The following BNIPL variants were observed in gnomAD, a reference collection of about 807,000 sequenced individuals.
BNIPL encodes BCL2 interacting protein like.
BNIPL carries 33 observed loss-of-function variants against 47.0 expected under a neutral mutation model. The ratio of observed to expected loss-of-function variants is 0.70; its 90% CI spans 0.53 to 0.94. The LOEUF is 0.94. Among genes scored for constraint, BNIPL ranks in the 40% least tolerant of loss-of-function variants. The probability of loss-of-function intolerance (pLI) is 0.00; values close to 1 mark genes in which losing one functional copy is unlikely to be tolerated. For missense variants in BNIPL, 404 were observed against 445.2 expected, an observed-to-expected ratio of 0.91 and a Z score of 0.83; for synonymous variants, 145 against 162.7, an observed-to-expected ratio of 0.89 and a Z score of 0.83.
At chr1:151,044,045 C>T (rs1039812858) in intron 7 of BNIPL, among the ~76,000 whole-genome samples, 1 of 152,226 alleles carries the variant, frequency 6.6e-6, no homozygotes, top group East Asian at 1.9e-4. Context: ...AGTGCAGTGG[C>T]ACGATCTCGG....
rs1675994475 is a variant in BNIPL, at chr1:151,045,692, AC to A, written c.852-104del. The A allele has an allele frequency of 7.7e-6, 12 of 1,564,346 alleles. No homozygotes were observed. In the South Asian group the frequency reaches 1.5e-4, roughly 19 times the overall value. ...ACCCAAGTACCAGATAAATCTAGAA[AC>A]TAGAGAAGTGAATGAAGGAAGTTAC... On this transcript the variant is annotated intron_variant, in intron 7 of 9. Coordinates refer to ENST00000368931, the MANE Select transcript of BNIPL (RefSeq NM_138278.4).
At chr1:151,045,986 A>C in intron 8 of BNIPL, 81 bp from the exon 9 acceptor site, 13 of 1,612,366 alleles carry the variant, frequency 8.1e-6, no homozygotes, top group Non-Finnish European at 1.1e-5. Context: ...TAACCACTCT[A>C]CTTCTACATT....
chr1:151,038,752 A>G lies in BNIPL; in HGVS notation c.203-44A>G, dbSNP rs375064911. On this transcript the variant is annotated intron_variant, in intron 3 of 9. Coordinates refer to ENST00000368931, the MANE Select transcript of BNIPL (RefSeq NM_138278.4). ...GGAATTCTAGCCCTCTCGGCTCTCC[A>G]ACACACACACCCATCTTGGTTCTCT... 36 of 1,556,184 alleles carry G rather than the reference A, an allele frequency of 2.3e-5. No individual in the cohort carries two copies. In the African/African-American group the frequency reaches 4.2e-4, roughly 18 times the overall value.
At chr1:151,042,816 A>G (rs587737066) in intron 4 of BNIPL, 140 bp from the exon 5 acceptor site, 2 of 643,444 alleles carry the variant, frequency 3.1e-6, no homozygotes, top group South Asian at 5.0e-5. Flanking sequence ...TCTGTCTCAA[A>G]AAAAAGGAAA....
At chr1:151,040,019 G>A (rs1675762953) in intron 4 of BNIPL, among the ~76,000 whole-genome samples, 1 of 152,148 alleles carries the variant, frequency 6.6e-6, no homozygotes, top group Admixed American at 6.5e-5. Flanking sequence ...CCAGTGTGCT[G>A]GGATTACAGG....
At chr1:151,039,784 C>T (rs1387471037) in intron 4 of BNIPL, among the ~76,000 whole-genome samples, 2 of 151,928 alleles carry the variant, frequency 1.3e-5, no homozygotes, top group Non-Finnish European at 2.9e-5. Flanking sequence ...AGAGTCTTGC[C>T]CTGTTGCCCA....
chr1:151,037,472 T>G lies in BNIPL; in HGVS notation c.42-95T>G, dbSNP rs587693266. The G allele has an allele frequency of 2.9e-5, 44 of 1,498,760 alleles. No individual in the cohort carries two copies. In the South Asian group the frequency reaches 5.3e-4, roughly 18 times the overall value. The allele number at this position is 1,498,760 out of a possible 1,614,324, so 92.8% of individuals were successfully genotyped here. A position where few individuals can be genotyped will look rare whatever the true frequency, so the allele number is the denominator to read the frequency against. On this transcript the variant is annotated intron_variant, in intron 1 of 9. Coordinates refer to ENST00000368931, the MANE Select transcript of BNIPL (RefSeq NM_138278.4). Reference sequence around the variant, plus strand: ...AGATCTGAGTCCTTTTGAAGGCCTATCCTCTGCTCTGTATCTCAATTACTG... The same window carrying G: ...AGATCTGAGTCCTTTTGAAGGCCTAGCCTCTGCTCTGTATCTCAATTACTG...
At chr1:151,036,900 A>C in intron 1 of BNIPL, 134 bp downstream of exon 1, 1 of 876,322 alleles carries the variant, frequency 1.1e-6, no homozygotes, top group Non-Finnish European at 1.9e-6. Context: ...GTTTGCAGAG[A>C]AGAGATGAGG....
At chr1:151,043,791 A>G (rs1048922041) in intron 7 of BNIPL, 64 bp downstream of exon 7, 1 of 1,501,562 alleles carries the variant, frequency 6.7e-7, no homozygotes, top group African/African-American at 1.4e-5. Context: ...TCTTTCTATT[A>G]TTTCTTCTTC....
chr1:151,039,067 G>A (rs955955), intron 4 of BNIPL, 41 bp downstream of exon 4: 114,440 of 1,522,442 alleles, frequency 0.075, 4,856 homozygotes, highest in African/African-American at 0.16. Context: ...AGAAGTAGAG[G>A]CTAGAGCTAA....
intron 7 of BNIPL, 82 bp downstream of exon 7, chr1:151,043,809 T>C: frequency 1.4e-6 from 2 of 1,459,370 alleles, no homozygotes; most frequent in Non-Finnish European, 1.9e-6. Flanking sequence ...TTCCATTTAG[T>C]CCTTTTCCTA....
rs749200773 is a variant in BNIPL at position 151,043,079 on chromosome 1, G to C, written c.557G>C (p.Arg186Pro). 1 of 1,611,960 alleles carries C rather than the reference G, an allele frequency of 6.2e-7. No homozygotes were observed. The highest frequency in any genetic ancestry group is 1.1e-5 in the South Asian group (1 of 90,598). The change falls in exon 5 of 10, where the codon CGG becomes CCG. Residue 186 changes from arginine (R) to proline (P), a missense_variant. Physicochemically the swap from Arg to Pro is moderately radical, Grantham distance 103. Transcript: ENST00000368931. ...TGGAGGGTGTTCCGAATGGGACCAC[G>C]GGAGCAGCGCGTAGACATGACTGTC... ...HHWRVFRMGP[R>P]EQRVDMTVIE...
chr1:151,039,019 A>G lies in BNIPL; in HGVS notation c.426A>G (p.Glu142=), dbSNP rs1245685914. ...SEQLDSGHEF[E]WEDELPRAEG... is the part of the protein sequence containing the mutation. Reference sequence around the variant, plus strand: ...AGCTGGACAGTGGACATGAATTTGAATGGGAAGGTGGGAAACAAACCAGAG... The same window carrying G: ...AGCTGGACAGTGGACATGAATTTGAGTGGGAAGGTGGGAAACAAACCAGAG... Residue 142 remains glutamate (E), a synonymous_variant, in exon 4 of 10, where the codon GAA becomes GAG. Transcript: ENST00000368931. The G allele has an allele frequency of 6.3e-7, 1 of 1,577,604 alleles. No individual in the cohort carries two copies. The highest frequency in any genetic ancestry group is 1.8e-5 in the Admixed American group (1 of 54,064).
chr1:151,045,630 G>C, intron 7 of BNIPL, 167 bp from the exon 8 acceptor site: 3 of 1,232,598 alleles, frequency 2.4e-6, no homozygotes, highest in Non-Finnish European at 3.3e-6. Context: ...AATAAGATGG[G>C]TGGAGCTGAG....
rs587698460 is a variant in BNIPL at position 151,047,453 on chromosome 1, T to C, written c.*766T>C. The C allele has an allele frequency of 5.4e-6, 1 of 183,690 alleles. No homozygotes were observed. 11.4% of individuals were successfully genotyped at this position (183,690 alleles called of 1,614,324 possible). A position where few individuals can be genotyped will look rare whatever the true frequency, so the allele number is the denominator to read the frequency against. Reference sequence around the variant, plus strand: ...AGCTCATTAAATCTTGAAGAACCGCTGTATGCCCTTTTTCCTTCTAAGTCA... The same window carrying C: ...AGCTCATTAAATCTTGAAGAACCGCCGTATGCCCTTTTTCCTTCTAAGTCA... On this transcript the variant is annotated 3_prime_UTR_variant, in exon 10 of 10. Transcript: ENST00000368931.
intron 4 of BNIPL, among the ~76,000 whole-genome samples, chr1:151,040,179 T>C (rs1675767558): frequency 6.6e-6 from 1 of 152,204 alleles, no homozygotes; most frequent in South Asian, 2.1e-4. Flanking sequence ...GAATACTAAA[T>C]ACTAGGCAAC....
chr1:151,045,358 T>A lies in BNIPL; in HGVS notation c.852-439T>A, dbSNP rs181801324. 3.5e-5 allele frequency among the ~76,000 whole-genome samples: 5 copies of A among 143,896 alleles called. No individual in the cohort carries two copies. The East Asian group carries it at 1.0e-3, about 30-fold the overall frequency. The allele number at this position is 143,896 out of a possible 152,430, so 94.4% of individuals were successfully genotyped here. A position where few individuals can be genotyped will look rare whatever the true frequency, so the allele number is the denominator to read the frequency against. On this transcript the variant is annotated intron_variant, in intron 7 of 9. Coordinates refer to ENST00000368931, the MANE Select transcript of BNIPL (RefSeq NM_138278.4). The stretch of plus-strand genomic sequence containing the variant: ...AGGCCGAGGCGGGCAGATCACGAGG[T>A]CAGGAGATCGAGACCATGGTGAAAC...
intron 7 of BNIPL, 90 bp downstream of exon 7, chr1:151,043,817 C>T: frequency 7.0e-7 from 1 of 1,437,206 alleles, no homozygotes; most frequent in Non-Finnish European, 9.4e-7. Context: ...AGTCCTTTTC[C>T]TATTTTCTTT....
At chr1:151,043,749 C>T in intron 7 of BNIPL, 22 bp downstream of exon 7, 1 of 1,590,110 alleles carries the variant, frequency 6.3e-7, no homozygotes, top group Non-Finnish European at 8.6e-7. Context: ...GATGAGAGGG[C>T]TACAACTCTC....
Sources: gnomAD v4.1 joint callset for allele counts (sites outside exome capture counted in the v4.1 genomes callset) on GRCh38, gnomAD v4.1.1 for gene constraint, MANE v1.5 for transcripts, NCBI Gene and HGNC (gene_info 2026-07-23, HGNC 2026-07-21) for gene names.